CTNNBL1: variants seen among roughly 807,000 people sequenced by gnomAD.
The protein encoded by CTNNBL1 is catenin beta like 1, also known as beta-catenin-like protein 1.
In CTNNBL1, 31 loss-of-function variants were observed where a neutral mutation model predicts 72.7. That is an observed-to-expected ratio of 0.43 (90% CI 0.32 to 0.58). The LOEUF is 0.58. Ranked by LOEUF, CTNNBL1 falls within the 20% of genes least tolerant of loss-of-function variation. The pLI is 0.08. For synonymous variants in CTNNBL1, 240 were observed against 267.3 expected, an observed-to-expected ratio of 0.90 and a Z score of 1.00; for missense variants, 534 against 725.1, an observed-to-expected ratio of 0.74 and a Z score of 3.03.
intron 11 of CTNNBL1, among the ~76,000 whole-genome samples, chr20:37,803,253 ATC>A (rs1000832252): frequency 1.3e-5 from 2 of 152,036 alleles, no homozygotes; most frequent in African/African-American, 4.8e-5. Flanking sequence ...GCTTGTTTGA[ATC>A]CTGGTCATTC....
intron 13 of CTNNBL1, among the ~76,000 whole-genome samples, chr20:37,858,707 C>T (rs2072464230): frequency 6.6e-6 from 1 of 152,154 alleles, no homozygotes; most frequent in African/African-American, 2.4e-5. Flanking sequence ...AATTATATCT[C>T]AGTAAAGCTG....
intron 12 of CTNNBL1, 123 bp downstream of exon 12, chr20:37,840,322 G>GC (rs2072293182): frequency 5.8e-6 from 4 of 694,434 alleles, no homozygotes; most frequent in African/African-American, 1.8e-5. Context: ...TGGCACCTGG[G>GC]CCCTGTTGCT....
chr20:37,859,309 A>G (rs2072469148), intron 13 of CTNNBL1, among the ~76,000 whole-genome samples: 1 of 151,508 alleles, frequency 6.6e-6, no homozygotes, highest in African/African-American at 2.4e-5. Context: ...GTGTGCCGAG[A>G]TCGCGCCTTT....
intron 2 of CTNNBL1, among the ~76,000 whole-genome samples, chr20:37,736,930 A>C (rs1325000051): frequency 1.3e-5 from 2 of 152,018 alleles, no homozygotes; most frequent in African/African-American, 4.8e-5. Flanking sequence ...AGAGAGATAA[A>C]GTGTGTACTG....
chr20:37,869,126 G>C (rs2072561155), intron 15 of CTNNBL1, among the ~76,000 whole-genome samples: 1 of 152,194 alleles, frequency 6.6e-6, no homozygotes, highest in Non-Finnish European at 1.5e-5. Context: ...TGATGGATGG[G>C]CCTAACAGAA....
At chr20:37,849,873 T>C (rs1397797376) in intron 13 of CTNNBL1, among the ~76,000 whole-genome samples, 2 of 152,234 alleles carry the variant, frequency 1.3e-5, no homozygotes, top group African/African-American at 4.8e-5. Context: ...AGTGAAAGGA[T>C]GAGAATAACA....
In CTNNBL1 at chr20:37,703,935, G is replaced by C. The variant is rs763411712; in HGVS notation, c.30+9783G>C. 1.4e-3 allele frequency among the ~76,000 whole-genome samples: 214 copies of C among 152,122 alleles called. 1 individual carries two copies. The highest frequency in any genetic ancestry group is 5.1e-4 in the Non-Finnish European group (35 of 67,994). On this transcript the variant is annotated intron_variant, in intron 1 of 15. Transcript: ENST00000361383. ...CGGGATTACAGGCATGTGCCACCAC[G>C]CCTGGCTAATTTTGTATTTTTAGTA...
At chr20:37,830,579 A>G (rs2072199642) in intron 11 of CTNNBL1, among the ~76,000 whole-genome samples, 1 of 152,118 alleles carries the variant, frequency 6.6e-6, no homozygotes, top group African/African-American at 2.4e-5. Context: ...TTTTCCTTCT[A>G]TTCTCCCACT....
At chr20:37,831,060 C>G (rs1887082453) in intron 11 of CTNNBL1, among the ~76,000 whole-genome samples, 1 of 152,136 alleles carries the variant, frequency 6.6e-6, no homozygotes, top group Non-Finnish European at 1.5e-5. Context: ...CCCATAGAAC[C>G]CCAAATTCTG....
intron 3 of CTNNBL1, 116 bp downstream of exon 3, chr20:37,737,600 C>T: frequency 3.1e-6 from 2 of 653,546 alleles, no homozygotes; most frequent in East Asian, 2.8e-5. Context: ...CCAGGATGAC[C>T]CCCATGTTTG....
chr20:37,855,587 C>G (rs1346721284), intron 13 of CTNNBL1, among the ~76,000 whole-genome samples: 1 of 152,100 alleles, frequency 6.6e-6, no homozygotes, highest in Non-Finnish European at 1.5e-5. Context: ...CTCCAGGGGC[C>G]TCTTCTCTTC....
chr20:37,783,256 CTCTT>C (rs2073641970), intron 10 of CTNNBL1, among the ~76,000 whole-genome samples: 1 of 152,110 alleles, frequency 6.6e-6, no homozygotes, highest in Admixed American at 6.6e-5. Flanking sequence ...TTGATCCTCT[CTCTT>C]TTTTTCTTAA....
chr20:37,697,681 G>C (rs895454568), intron 1 of CTNNBL1, among the ~76,000 whole-genome samples: 1 of 152,336 alleles, frequency 6.6e-6, no homozygotes, highest in Non-Finnish European at 1.5e-5. Context: ...CTCACCTGAG[G>C]TTGTGGGCCA....
chr20:37,694,099 G>C lies in CTNNBL1; in HGVS notation c.-24G>C. Reference sequence around the variant, plus strand: ...GGTCTGGGCGTGAGTGCAGGGAAGTGGAGTATTTGCTGGGCCGGGTACCAT... The same window carrying C: ...GGTCTGGGCGTGAGTGCAGGGAAGTCGAGTATTTGCTGGGCCGGGTACCAT... On this transcript the variant is annotated 5_prime_UTR_variant, in exon 1 of 16. Transcript: ENST00000361383. The C allele has an allele frequency of 1.9e-6, 3 of 1,604,092 alleles. No homozygotes were observed. Among genetic ancestry groups the C allele is most frequent in the Non-Finnish European group, 2.6e-6 (3 of 1,175,966 alleles).
At chr20:37,746,164 T>C (rs538332063) in intron 3 of CTNNBL1, among the ~76,000 whole-genome samples, 7 of 152,288 alleles carry the variant, frequency 4.6e-5, no homozygotes, top group African/African-American at 1.7e-4. Flanking sequence ...GTGGCTAATC[T>C]ATAGGACTGG....
chr20:37,802,836 A>G (rs576856357), intron 10 of CTNNBL1, 31 bp from the exon 11 acceptor site: 2 of 1,571,026 alleles, frequency 1.3e-6, no homozygotes, highest in African/African-American at 1.4e-5. Context: ...TCCCCATGAA[A>G]TACCTTATCT....
intron 6 of CTNNBL1, among the ~76,000 whole-genome samples, chr20:37,767,590 T>G (rs1471850228): frequency 6.6e-6 from 1 of 152,228 alleles, no homozygotes; most frequent in African/African-American, 2.4e-5. Context: ...GGCTTTTGCC[T>G]AGCTCCCAAT....
chr20:37,813,771 A>G lies in CTNNBL1; in HGVS notation c.1213+10723A>G, dbSNP rs144030329. ...TTTATAGATAAAACAAATGCCAGCA[A>G]TGTAGAAACAAAAGTAGAGAAATAG... is the stretch of plus-strand genomic sequence containing the variant. On this transcript the variant is annotated intron_variant, in intron 11 of 15. Transcript: ENST00000361383. 1.2e-4 allele frequency among the ~76,000 whole-genome samples: 18 copies of G among 152,356 alleles called. No individual in the cohort carries two copies. In the East Asian group the frequency reaches 2.7e-3, roughly 23 times the overall value.
Position 37,702,350 on chromosome 20 carries a change from G to A in CTNNBL1, c.30+8198G>A, listed in dbSNP as rs571028451. ...CTCATAAGGTAGTCATTGTAATTTC[G>A]TAATTGAGTTTTTCTGTTATATGGG... On this transcript the variant is annotated intron_variant, in intron 1 of 15. Coordinates refer to ENST00000361383, the MANE Select transcript of CTNNBL1 (RefSeq NM_030877.5). Among the ~76,000 whole-genome samples, 11 of 152,158 alleles carry A rather than the reference G, an allele frequency of 7.2e-5. No homozygotes were observed. The South Asian group carries it at 1.0e-3, about 14-fold the overall frequency.
Sources: allele counts gnomAD v4.1 joint callset (sites outside exome capture counted in the v4.1 genomes callset), GRCh38; gene constraint gnomAD v4.1.1; transcripts MANE v1.5; gene names NCBI Gene and HGNC (gene_info 2026-07-23, HGNC 2026-07-21).